Variants in SEMA4D observed in about 807,000 individuals in gnomAD.
SEMA4D encodes semaphorin-4D.
A neutral mutation model predicts 74.8 loss-of-function variants in SEMA4D; 22 were observed. That is an observed-to-expected ratio of 0.29 (90% CI 0.21 to 0.42). The LOEUF (loss-of-function observed/expected upper bound fraction) is 0.42, where lower values mean the gene tolerates loss of function less well. SEMA4D is among the 10% of genes least tolerant of loss of function. SEMA4D has a pLI of 1.00. For synonymous variants in SEMA4D, 445 were observed against 463.7 expected (o/e 0.96, Z 0.52); for missense variants, 937 against 1,118.4 (o/e 0.84, Z 2.31).
Position 89,381,058 on chromosome 9 carries a change from G to T in SEMA4D, c.1660C>A (p.Pro554Thr). 4 of 1,614,066 alleles carry T rather than the reference G, an allele frequency of 2.5e-6. No individual in the cohort carries two copies. Among genetic ancestry groups the T allele is most frequent in the Non-Finnish European group, 3.4e-6 (4 of 1,180,020 alleles). The change falls in exon 15 of 16, where the codon CCG (proline) becomes ACG (threonine). Residue 554 changes from proline (P) to threonine (T), a missense_variant. Physicochemically the swap from Pro to Thr is conservative, Grantham distance 38. Transcript: ENST00000422704. The surrounding 1 kb of genome is among the most constrained non-coding windows in gnomAD (Gnocchi z 4.6). The stretch of plus-strand genomic sequence containing the variant: ...GGGACGTCGAGGAGTCACTCACCCG[G>T]GCACACAGAAGCATCGCCGCTCATC... ...QEMSGDASVC[P>T]DKSKGSYRQH...
At chr9:89,368,000 A>G (rs1390719563) in intron 16 of SEMA4D, 1 of 152,272 alleles carries the variant, frequency 6.6e-6, no homozygotes, top group East Asian at 1.9e-4. Context: ...TCTGCGACAA[A>G]CCAGGTGCCC....
intron 16 of SEMA4D, among the ~76,000 whole-genome samples, chr9:89,371,933 T>TGG (rs1834993328): frequency 7.9e-6 from 1 of 126,576 alleles, no homozygotes; most frequent in Non-Finnish European, 1.7e-5. Context: ...GTGGTGTGTG[T>TGG]GGGGTGTGGT....
At chr9:89,384,742 AG>A in intron 13 of SEMA4D, 3 of 985,424 alleles carry the variant, frequency 3.0e-6, no homozygotes, top group Non-Finnish European at 3.6e-6. Context: ...GCTGTAGGAC[AG>A]GGGGAGGGCG....
intron 1 of SEMA4D, among the ~76,000 whole-genome samples, chr9:89,461,935 T>C (rs1183560879): frequency 6.6e-6 from 1 of 152,088 alleles, no homozygotes; most frequent in East Asian, 1.9e-4. Context: ...ACTCCTGACC[T>C]CATGATCTGC....
chr9:89,450,659 G>GAAAAAA lies in SEMA4D; in HGVS notation c.-244+5228_-244+5229insTTTTTT, dbSNP rs1564832883. On this transcript the variant is annotated intron_variant, in intron 2 of 15. Coordinates refer to ENST00000422704, the MANE Select transcript of SEMA4D (RefSeq NM_001371194.2). ...AGAGTTCTGCAAGTCGAAAAACCCA[G>GAAAAAA]GAAAAAAAAAAAAAAAAAAAAAAAA... 2.6e-3 allele frequency: 1,086 copies of GAAAAAA among 420,866 alleles called. 202 individuals are homozygous for GAAAAAA. Among genetic ancestry groups the GAAAAAA allele is most frequent in the South Asian group, 3.6e-3 (146 of 40,126 alleles). 26.1% of individuals were successfully genotyped at this position (420,866 alleles called of 1,614,324 possible). A position where few individuals can be genotyped will look rare whatever the true frequency, so the allele number is the denominator to read the frequency against.
rs138895413 is a variant in SEMA4D, at chr9:89,379,146, G to A, written c.2147C>T (p.Thr716Met). 4.0e-5 allele frequency: 64 copies of A among 1,614,100 alleles called. No individual in the cohort carries two copies. Among genetic ancestry groups the A allele is most frequent in the Non-Finnish European group, 4.9e-5 (58 of 1,180,044 alleles). ...TSCEPKIVIN[T>M]VPQLHSEKTM... ...TTTCTCCGAGTGGAGCTGGGGGACC[G>A]TGTTGATGACGATCTTTGGTTCGCA... Residue 716 changes from threonine to methionine, a missense_variant, in exon 16 of 16, where the codon ACG becomes ATG. Thr to Met is a moderately conservative substitution (Grantham distance 81). Transcript: ENST00000422704.
chr9:89,488,417 G>A (rs555502129), intron 1 of SEMA4D, among the ~76,000 whole-genome samples: 1 of 135,050 alleles, frequency 7.4e-6, no homozygotes, highest in African/African-American at 2.8e-5. Context: ...AGGCTGGAGT[G>A]GCTGGAGTGC....
At chr9:89,477,556 GAC>G (rs1862077968) in intron 1 of SEMA4D, among the ~76,000 whole-genome samples, 1 of 152,206 alleles carries the variant, frequency 6.6e-6, no homozygotes, top group South Asian at 2.1e-4. Context: ...ACACATCTAT[GAC>G]ACAGTGGTGA....
chr9:89,482,719 G>T lies in SEMA4D; in HGVS notation c.-310+15200C>A, dbSNP rs115213137. ...CTTCAGAGTAGTCCTGACACAAAAT[G>T]TCTCAGTGGAAGTCTCCAGATGACA... is the stretch of plus-strand genomic sequence containing the variant. On this transcript the variant is annotated intron_variant, in intron 1 of 15. Coordinates refer to ENST00000422704, the MANE Select transcript of SEMA4D (RefSeq NM_001371194.2). Among the ~76,000 whole-genome samples the T allele has an allele frequency of 3.9e-3, 592 of 152,308 alleles. 8 individuals are homozygous for T. The highest frequency in any genetic ancestry group is 0.013 in the African/African-American group (556 of 41,568).
intron 1 of SEMA4D, among the ~76,000 whole-genome samples, chr9:89,489,773 C>T (rs1000070254): frequency 4.6e-5 from 7 of 152,190 alleles, no homozygotes; most frequent in Non-Finnish European, 8.8e-5. Context: ...TCTGGGTTTC[C>T]GTCCTTTGGC....
rs200510870 is a variant in SEMA4D, at chr9:89,363,849, G to A, written c.1984C>T (p.Leu662Phe). The change falls in exon 17 of 19, where the codon CTC becomes TTC. Residue 662 changes from leucine (L) to phenylalanine (F), a missense_variant. Transcript: ENST00000339861. ...CTGATGGCGTCCTGCAGCCAGCTGA[G>A]TGCATGGGCCCTGCCATCGGGCAGT... 1.4e-4 allele frequency: 225 copies of A among 1,614,138 alleles called. 2 individuals are homozygous for A. The Middle Eastern group carries it at 6.4e-3, about 46-fold the overall frequency.
chr9:89,426,839 G>A (rs532777581), intron 2 of SEMA4D, among the ~76,000 whole-genome samples: 5 of 152,236 alleles, frequency 3.3e-5, no homozygotes, highest in Admixed American at 6.5e-5. Context: ...ATCAACAGTA[G>A]ACCAAGTGGT....
At chr9:89,449,478 T>C in intron 2 of SEMA4D, 2 of 720,088 alleles carry the variant, frequency 2.8e-6, no homozygotes, top group South Asian at 1.4e-5. Context: ...TCGAGGGAGC[T>C]CTGACCACAG....
chr9:89,363,028 G>C (rs1351322902), intron 18 of SEMA4D, among the ~76,000 whole-genome samples: 1 of 152,176 alleles, frequency 6.6e-6, no homozygotes, highest in East Asian at 1.9e-4. Flanking sequence ...GGTGCCTCAG[G>C]TGAGGCATCC....
At chr9:89,433,667 T>G (rs577326098) in intron 2 of SEMA4D, among the ~76,000 whole-genome samples, 252 of 152,194 alleles carry the variant, frequency 1.7e-3, no homozygotes, top group African/African-American at 5.8e-3. Context: ...AGCAATCAGG[T>G]TCTGCCCAAG....
intron 12 of SEMA4D, 186 bp downstream of exon 12, chr9:89,387,200 C>T (rs1273246499): frequency 5.2e-6 from 3 of 577,822 alleles, no homozygotes; most frequent in Non-Finnish European, 9.1e-6. Context: ...CCTGGTGGTC[C>T]CAGATCTGAA....
intron 2 of SEMA4D, among the ~76,000 whole-genome samples, chr9:89,428,839 A>AG (rs1848645580): frequency 6.6e-6 from 1 of 152,230 alleles, no homozygotes; most frequent in Non-Finnish European, 1.5e-5. Context: ...AGCAGCCACT[A>AG]GGTCCCCATC....
At position 89,402,995 on chromosome 9, in the gene SEMA4D, T is replaced by A. The variant is rs1842533618; in HGVS notation, c.128A>T (p.His43Leu). The A allele has an allele frequency of 6.2e-7, 1 of 1,611,524 alleles. No homozygotes were observed. Among genetic ancestry groups the A allele is most frequent in the South Asian group, 1.1e-5 (1 of 91,054 alleles). Residue 43 changes from histidine to leucine, a missense_variant, in exon 4 of 16, where the codon CAT becomes CTT. Transcript: ENST00000422704. ...EHREVHLVQF[H>L]EPDIYNYSAL... ...TGAGTAGTTGTAGATGTCTGGCTCA[T>A]GAAACTGCACCAGGTGCACCTCTGT... is the stretch of plus-strand genomic sequence containing the variant.
intron 1 of SEMA4D, among the ~76,000 whole-genome samples, chr9:89,463,937 C>CAAAA (rs11394548): frequency 8.0e-6 from 1 of 125,598 alleles, no homozygotes; most frequent in Non-Finnish European, 1.7e-5. Flanking sequence ...CCGTCTCAGA[C>CAAAA]AAAAAAAAAA....
Sources: allele counts gnomAD v4.1 joint callset (sites outside exome capture counted in the v4.1 genomes callset), GRCh38; gene constraint gnomAD v4.1.1; non-coding constraint Gnocchi (gnomAD v3.1); transcripts MANE v1.5; gene names NCBI Gene and HGNC (gene_info 2026-07-23, HGNC 2026-07-21).